Variants in PKN2 observed in about 807,000 individuals in gnomAD.
The protein encoded by PKN2 is protein kinase N2.
Under a neutral mutation model 119.1 loss-of-function variants are expected in PKN2, and 38 were observed. The ratio of observed to expected loss-of-function variants is 0.32; its 90% CI spans 0.25 to 0.42. The LOEUF is 0.42. Among genes scored for constraint, PKN2 ranks in the 10% least tolerant of loss-of-function variants. The pLI is 1.00. For synonymous variants in PKN2, 390 were observed against 384.9 expected (o/e 1.01, Z -0.15); for missense variants, 850 against 1,165.1 (o/e 0.73, Z 3.94).
intron 6 of PKN2, 98 bp from the exon 7 acceptor site, chr1:88,784,541 A>AT (rs149517865): frequency 4.8e-3 from 2,834 of 595,694 alleles, no homozygotes; most frequent in Non-Finnish European, 5.7e-3. Context: ...TTGTTACCAG[A>AT]TTTTTTTTTT....
At chr1:88,707,832 C>A (rs987343806) in intron 1 of PKN2, among the ~76,000 whole-genome samples, 12 of 152,102 alleles carry the variant, frequency 7.9e-5, no homozygotes, top group Admixed American at 2.6e-4. Flanking sequence ...GAAAGCAACT[C>A]AAATGACATT....
intron 6 of PKN2, among the ~76,000 whole-genome samples, chr1:88,773,596 C>T (rs2100806706): frequency 6.6e-6 from 1 of 152,184 alleles, no homozygotes; most frequent in South Asian, 2.1e-4. Context: ...CACATCTGAC[C>T]AGTGTTTGCT....
In PKN2 at chr1:88,760,276, A is replaced by G; in HGVS notation, c.404A>G (p.Asn135Ser). Residue 135 changes from asparagine to serine, a missense_variant, in exon 3 of 22, where the codon AAC (asparagine) becomes AGC (serine). This residue lies in a region of PKN2 where 350 missense variants were observed against 511.1 expected (regional missense o/e 0.68). Transcript: ENST00000370521. ...PNNDPRCSTS[N>S]NRLKALQKQL... ...AATGACCCTCGTTGTTCTACTAGCA[A>G]CAATAGATTGAAGGCCTTACAAAAA... 3 of 1,580,654 alleles carry G rather than the reference A, an allele frequency of 1.9e-6. No homozygotes were observed. Among genetic ancestry groups the G allele is most frequent in the South Asian group, 2.2e-5 (2 of 89,722 alleles).
At chr1:88,822,579 C>CTTTT (rs1248235815) in intron 17 of PKN2, among the ~76,000 whole-genome samples, 1 of 135,108 alleles carries the variant, frequency 7.4e-6, no homozygotes, top group African/African-American at 2.8e-5. Flanking sequence ...ATTATTTAAG[C>CTTTT]TTTTTTTTTT....
intron 3 of PKN2, among the ~76,000 whole-genome samples, chr1:88,761,338 AT>A (rs143473567): frequency 0.051 from 7,796 of 152,030 alleles, 379 homozygotes; most frequent in African/African-American, 0.12. Flanking sequence ...CTGGAAATCA[AT>A]TTTTTTATTT....
chr1:88,747,553 G>A (rs7542395), intron 2 of PKN2, among the ~76,000 whole-genome samples: 10 of 152,078 alleles, frequency 6.6e-5, no homozygotes, highest in South Asian at 6.2e-4. Context: ...AGAAAGATCC[G>A]GTTTCCTGAA....
chr1:88,689,025 T>G (rs984697346), intron 1 of PKN2, among the ~76,000 whole-genome samples: 1 of 152,196 alleles, frequency 6.6e-6, no homozygotes, highest in African/African-American at 2.4e-5. Context: ...GTTTACTCAT[T>G]TAATGGAAAA....
Position 88,835,065 on chromosome 1 carries a change from A to T in PKN2, c.*1617A>T, listed in dbSNP as rs760576170. 3.3e-5 allele frequency: 5 copies of T among 152,440 alleles called. No homozygotes were observed. The highest frequency in any genetic ancestry group is 7.4e-5 in the Non-Finnish European group (5 of 67,940). 9.4% of individuals were successfully genotyped at this position (152,440 alleles called of 1,614,324 possible). On this transcript the variant is annotated 3_prime_UTR_variant, in exon 22 of 22. Transcript: ENST00000370521. Reference sequence around the variant, plus strand: ...CACTGATTTATGGAGAGTTGAGCTAAAAACATTTATAAATATTTGCTGGGA... The same window carrying T: ...CACTGATTTATGGAGAGTTGAGCTATAAACATTTATAAATATTTGCTGGGA...
chr1:88,817,393 A>G (rs938330094), intron 16 of PKN2, among the ~76,000 whole-genome samples: 1 of 147,740 alleles, frequency 6.8e-6, no homozygotes, highest in Non-Finnish European at 1.5e-5. Context: ...CTGGCGACAG[A>G]GCAAGACTCT....
chr1:88,804,331 CAA>C, intron 8 of PKN2, 58 bp from the exon 9 acceptor site: 1 of 1,253,464 alleles, frequency 8.0e-7, no homozygotes. Flanking sequence ...ATATTTTATT[CAA>C]GTGTGTGTCC....
intron 2 of PKN2, 152 bp from the exon 3 acceptor site, chr1:88,760,070 G>A (rs1669380248): frequency 2.6e-6 from 1 of 385,374 alleles, no homozygotes; most frequent in Non-Finnish European, 4.6e-6. Flanking sequence ...TGCATGAATT[G>A]GTTGAATTCA....
At chr1:88,792,568 T>G (rs998882521) in intron 8 of PKN2, among the ~76,000 whole-genome samples, 1 of 152,142 alleles carries the variant, frequency 6.6e-6, no homozygotes, top group Non-Finnish European at 1.5e-5. Context: ...CATAACACTT[T>G]TGACTCCCCC....
At chr1:88,784,859 A>T in intron 7 of PKN2, 35 bp downstream of exon 7, 1 of 1,347,140 alleles carries the variant, frequency 7.4e-7, no homozygotes, top group Middle Eastern at 1.9e-4. Context: ...TCATGTAACA[A>T]ACTAAAGTGC....
intron 8 of PKN2, among the ~76,000 whole-genome samples, chr1:88,796,713 A>G (rs760950840): frequency 1.3e-5 from 2 of 152,094 alleles, no homozygotes; most frequent in African/African-American, 4.8e-5. Context: ...GTCATTGTGC[A>G]TATTGTATAT....
At chr1:88,684,695 G>C in intron 1 of PKN2, 67 bp downstream of exon 1, 1 of 1,367,840 alleles carries the variant, frequency 7.3e-7, no homozygotes, top group Non-Finnish European at 9.6e-7. Context: ...GCGCGGCGTC[G>C]GGGACCGAGG....
At chr1:88,728,773 T>C (rs1668003114) in intron 1 of PKN2, among the ~76,000 whole-genome samples, 1 of 152,066 alleles carries the variant, frequency 6.6e-6, no homozygotes, top group Non-Finnish European at 1.5e-5. Flanking sequence ...GAGTGATCTG[T>C]GTTTTGATAG....
In PKN2 at chr1:88,804,437, T is replaced by C; in HGVS notation, c.1328T>C (p.Leu443Pro). The C allele has an allele frequency of 6.2e-7, 1 of 1,613,682 alleles. No individual in the cohort carries two copies. The highest frequency in any genetic ancestry group is 8.5e-7 in the Non-Finnish European group (1 of 1,179,686). ...GTTTATTGGCGTGATTGGCGGTCTC[T>C]GTGTGCTGTAAAATTTCTGAGGTTA... Reference protein sequence around the residue: ...ISVYWRDWRSLCAVKFLRLED... With the variant: ...ISVYWRDWRSPCAVKFLRLED... Residue 443 changes from leucine to proline, a missense_variant, in exon 9 of 22, where the codon CTG (leucine) becomes CCG (proline). By Grantham distance (98) the Leu-to-Pro change is moderately conservative. Around this residue, in one of 9 missense-constraint regions of PKN2, gnomAD observed 350 missense variants for 511.1 expected, o/e 0.68. Coordinates refer to ENST00000370521, the MANE Select transcript of PKN2 (RefSeq NM_006256.4).
chr1:88,808,495 G>A (rs1671651427), intron 15 of PKN2, among the ~76,000 whole-genome samples: 1 of 151,776 alleles, frequency 6.6e-6, no homozygotes, highest in Admixed American at 6.6e-5. Context: ...TAGTAGAAAT[G>A]GGGTTTCACC....
chr1:88,715,787 G>T (rs1292587738), intron 1 of PKN2, among the ~76,000 whole-genome samples: 1 of 151,942 alleles, frequency 6.6e-6, no homozygotes, highest in Non-Finnish European at 1.5e-5. Flanking sequence ...TTGTTTCTCT[G>T]TCTCTTTCAG....
Sources: allele counts gnomAD v4.1 joint callset (sites outside exome capture counted in the v4.1 genomes callset), GRCh38; gene constraint gnomAD v4.1.1; regional missense constraint gnomAD v4.1.1; transcripts MANE v1.5; gene names NCBI Gene and HGNC (gene_info 2026-07-23, HGNC 2026-07-21).